The following LRRC52 variants were observed in gnomAD, a reference collection of about 807,000 sequenced individuals.
LRRC52 encodes leucine rich repeat containing 52, also known as leucine-rich repeat-containing protein 52.
A neutral mutation model predicts 14.7 loss-of-function variants in LRRC52; 15 were observed. The ratio of observed to expected loss-of-function variants is 1.02; its 90% CI spans 0.68 to 1.58. The LOEUF (loss-of-function observed/expected upper bound fraction) is 1.58, where lower values mean the gene tolerates loss of function less well. LRRC52 is among the 40% of genes most tolerant of loss of function. LRRC52 has a pLI of 0.00. For missense variants in LRRC52, 400 were observed against 387.7 expected (o/e 1.03, Z -0.27); for synonymous variants, 180 against 163.9 (o/e 1.10, Z -0.75).
chr1:165,559,396 A>G (rs542023391), intron 1 of LRRC52, among the ~76,000 whole-genome samples: 5 of 152,230 alleles, frequency 3.3e-5, no homozygotes, highest in South Asian at 4.1e-4. Flanking sequence ...TCTCAAAAAA[A>G]AAAAATTGTG....
intron 1 of LRRC52, among the ~76,000 whole-genome samples, chr1:165,554,344 T>C (rs1238139728): frequency 6.6e-6 from 1 of 152,000 alleles, no homozygotes; most frequent in Non-Finnish European, 1.5e-5. Flanking sequence ...GAGCCAGAGC[T>C]CTTGAGGGGG....
Position 165,552,202 on chromosome 1 carries a change from T to C in LRRC52, c.622+7284T>C, listed in dbSNP as rs147373527. Among the ~76,000 whole-genome samples, 853 of 152,208 alleles carry C rather than the reference T, an allele frequency of 5.6e-3. 1 individual carries two copies. Among genetic ancestry groups the C allele is most frequent in the Non-Finnish European group, 8.4e-3 (570 of 67,994 alleles). ...TGACACACTCCCTGACTCAGGCCAA[T>C]TGGGATCCCTGAGAGTAGGTGATCG... On this transcript the variant is annotated intron_variant, in intron 1 of 1. Coordinates refer to ENST00000294818, the MANE Select transcript of LRRC52 (RefSeq NM_001005214.4).
At chr1:165,554,145 G>GA (rs1213522742) in intron 1 of LRRC52, among the ~76,000 whole-genome samples, 3 of 152,096 alleles carry the variant, frequency 2.0e-5, no homozygotes, top group Non-Finnish European at 4.4e-5. Flanking sequence ...ATAATTAAAT[G>GA]AAAAAACCCA....
At chr1:165,563,453 C>A (rs900798607) in intron 1 of LRRC52, 52 bp from the exon 2 acceptor site, 6 of 1,525,712 alleles carry the variant, frequency 3.9e-6, no homozygotes, top group African/African-American at 1.4e-5. Context: ...GGCCTTAGGA[C>A]GCTGGGAGTC....
At chr1:165,550,179 C>A (rs1033224942) in intron 1 of LRRC52, among the ~76,000 whole-genome samples, 1 of 152,118 alleles carries the variant, frequency 6.6e-6, no homozygotes, top group African/African-American at 2.4e-5. Context: ...TGAGTTCTTC[C>A]CAGGATATTT....
At chr1:165,546,416 C>A (rs1661021239) in intron 1 of LRRC52, among the ~76,000 whole-genome samples, 1 of 152,144 alleles carries the variant, frequency 6.6e-6, no homozygotes, top group Non-Finnish European at 1.5e-5. Flanking sequence ...TCTATAACAC[C>A]AACTCTAGGA....
Position 165,563,790 on chromosome 1 carries a change from C to G in LRRC52, c.908C>G (p.Thr303Arg), listed in dbSNP as rs764082316. 1.2e-6 allele frequency: 2 copies of G among 1,614,162 alleles called. No homozygotes were observed. Among genetic ancestry groups the G allele is most frequent in the East Asian group, 2.2e-5 (1 of 44,870 alleles). The stretch of plus-strand genomic sequence containing the variant: ...AGCCGGCGGATTTTTCAAACCCAGA[C>G]GAGCTCGGTCCAGGAGTTCCCTCAG... ...EVSRRIFQTQ[T>R]SSVQEFPQLI is the part of the protein sequence containing the mutation. The change falls in exon 2 of 2, where the codon ACG (threonine) becomes AGG (arginine). Residue 303 changes from threonine (T) to arginine (R), a missense_variant. Thr to Arg is a moderately conservative substitution (Grantham distance 71). Transcript: ENST00000294818.
intron 1 of LRRC52, among the ~76,000 whole-genome samples, chr1:165,554,698 G>A (rs1000633936): frequency 6.6e-6 from 1 of 152,192 alleles, no homozygotes; most frequent in African/African-American, 2.4e-5. Flanking sequence ...GCCTTCCAAA[G>A]TGCTGGGAGG....
intron 1 of LRRC52, among the ~76,000 whole-genome samples, chr1:165,560,143 C>T (rs543027748): frequency 6.6e-6 from 1 of 152,300 alleles, no homozygotes; most frequent in African/African-American, 2.4e-5. Context: ...GCTGGGAATA[C>T]TTTTTTTCTC....
intron 1 of LRRC52, among the ~76,000 whole-genome samples, chr1:165,548,663 T>C (rs1433741474): frequency 6.6e-6 from 1 of 152,210 alleles, no homozygotes; most frequent in Non-Finnish European, 1.5e-5. Flanking sequence ...CTGCAGGATA[T>C]AAGATAAGTT....
chr1:165,546,624 C>T (rs1393646128), intron 1 of LRRC52, among the ~76,000 whole-genome samples: 1 of 152,054 alleles, frequency 6.6e-6, no homozygotes, highest in Non-Finnish European at 1.5e-5. Context: ...ATGCACTTTT[C>T]CTTGAGTATA....
rs750248405 is a variant in LRRC52 at position 165,563,573 on chromosome 1, C to A, written c.691C>A (p.Pro231Thr). The A allele has an allele frequency of 6.2e-7, 1 of 1,614,246 alleles. No individual in the cohort carries two copies. Among genetic ancestry groups the A allele is most frequent in the Non-Finnish European group, 8.5e-7 (1 of 1,180,040 alleles). Residue 231 changes from proline to threonine, a missense_variant, in exon 2 of 2, where the codon CCA becomes ACA. By Grantham distance (38) the Pro-to-Thr change is conservative. Transcript: ENST00000294818. ...GTGGCCCATCACCCGGGTGGGGAAC[C>A]CACTCCGATACATGTGCATCACGCA... ...TGWPITRVGN[P>T]LRYMCITHLD...
chr1:165,547,312 A>G (rs931758663), intron 1 of LRRC52, among the ~76,000 whole-genome samples: 1 of 152,230 alleles, frequency 6.6e-6, no homozygotes, highest in African/African-American at 2.4e-5. Flanking sequence ...AATATAAGTT[A>G]TATTATAAAC....
chr1:165,562,800 TA>T (rs1478953426), intron 1 of LRRC52, among the ~76,000 whole-genome samples: 2 of 152,070 alleles, frequency 1.3e-5, no homozygotes, highest in African/African-American at 4.8e-5. Flanking sequence ...GTCGATGACA[TA>T]ATCAGCCAGT....
At chr1:165,552,289 T>A (rs1661147904) in intron 1 of LRRC52, among the ~76,000 whole-genome samples, 1 of 152,180 alleles carries the variant, frequency 6.6e-6, no homozygotes, top group South Asian at 2.1e-4. Flanking sequence ...TCACCCAGCA[T>A]CACTCAGGAC....
intron 1 of LRRC52, among the ~76,000 whole-genome samples, chr1:165,547,785 C>T (rs1049052196): frequency 4.6e-5 from 7 of 152,180 alleles, no homozygotes; most frequent in African/African-American, 1.4e-4. Flanking sequence ...TGTACAAGTT[C>T]ACACTCATAT....
chr1:165,562,394 C>A (rs1179317925), intron 1 of LRRC52, among the ~76,000 whole-genome samples: 1 of 152,096 alleles, frequency 6.6e-6, no homozygotes, highest in Non-Finnish European at 1.5e-5. Context: ...ATACATTCAC[C>A]TGAGCACATC....
At position 165,563,858 on chromosome 1, in the gene LRRC52, A is replaced by T. The variant is rs1480559193; in HGVS notation, c.*34A>T. On this transcript the variant is annotated 3_prime_UTR_variant, in exon 2 of 2. Coordinates refer to ENST00000294818, the MANE Select transcript of LRRC52 (RefSeq NM_001005214.4). Reference sequence around the variant, plus strand: ...GACCACTATCTTATGTGCCTCCCCCAGGCTCCCTGCTTTCTCTCTTGCCCT... The same window carrying T: ...GACCACTATCTTATGTGCCTCCCCCTGGCTCCCTGCTTTCTCTCTTGCCCT... The T allele has an allele frequency of 6.3e-7, 1 of 1,591,406 alleles. No homozygotes were observed. The highest frequency in any genetic ancestry group is 8.6e-7 in the Non-Finnish European group (1 of 1,165,912).
At chr1:165,563,224 G>A (rs1661385443) in intron 1 of LRRC52, among the ~76,000 whole-genome samples, 1 of 152,200 alleles carries the variant, frequency 6.6e-6, no homozygotes, top group Non-Finnish European at 1.5e-5. Context: ...ATGCAGCAAA[G>A]CCTGGGGACA....
Sources: allele counts gnomAD v4.1 joint callset (sites outside exome capture counted in the v4.1 genomes callset), GRCh38; gene constraint gnomAD v4.1.1; transcripts MANE v1.5; gene names NCBI Gene and HGNC (gene_info 2026-07-23, HGNC 2026-07-21).